The following CNTN1 variants were observed in gnomAD, a reference collection of about 807,000 sequenced individuals.
CNTN1 encodes contactin 1.
In CNTN1, 38 loss-of-function variants were observed where a neutral mutation model predicts 126.4. That is an observed-to-expected ratio of 0.30 (90% CI 0.23 to 0.39). The LOEUF (loss-of-function observed/expected upper bound fraction) is 0.39. Among genes scored for constraint, CNTN1 ranks in the 10% least tolerant of loss-of-function variants. The pLI is 1.00. For synonymous variants in CNTN1, 413 were observed against 422.6 expected, an observed-to-expected ratio of 0.98 and a Z score of 0.28; for missense variants, 1,009 against 1,248.4, an observed-to-expected ratio of 0.81 and a Z score of 2.89.
At chr12:40,872,571 C>CTTTTTTTTTTTTT (rs35866838) in intron 1 of CNTN1, among the ~76,000 whole-genome samples, 8 of 108,612 alleles carry the variant, frequency 7.4e-5, no homozygotes, top group African/African-American at 1.4e-4. Flanking sequence ...TTTTTTCTTT[C>CTTTTTTTTTTTTT]TTTTTTTTTT....
chr12:40,981,892 A>G (rs904282463), intron 16 of CNTN1, among the ~76,000 whole-genome samples: 11 of 152,156 alleles, frequency 7.2e-5, no homozygotes, highest in African/African-American at 2.6e-4. Flanking sequence ...AAGAGGAGAA[A>G]TGAGACACGA....
At chr12:40,980,698 C>A (rs1947798382) in intron 15 of CNTN1, among the ~76,000 whole-genome samples, 1 of 151,966 alleles carries the variant, frequency 6.6e-6, no homozygotes, top group Non-Finnish European at 1.5e-5. Context: ...AGCATTTATC[C>A]CCTTCCTTAA....
chr12:40,835,799 T>TACACACACACAC (rs10556497), intron 1 of CNTN1, among the ~76,000 whole-genome samples: 23 of 142,528 alleles, frequency 1.6e-4, no homozygotes, highest in African/African-American at 5.7e-4. Flanking sequence ...ATGCTATTTA[T>TACACACACACAC]ACACACACAC....
Position 41,042,484 on chromosome 12 carries a change from G to C in CNTN1, c.2980+13265G>C, listed in dbSNP as rs893391401. ...TCCTGGGTATCCTTGTTGACTTTCTGTCTCGTTGATCTGTCTAATGTTGAC... is the reference window on the plus strand; with the variant it reads ...TCCTGGGTATCCTTGTTGACTTTCTCTCTCGTTGATCTGTCTAATGTTGAC... On this transcript the variant is annotated intron_variant, in intron 23 of 23. Coordinates refer to ENST00000551295, the MANE Select transcript of CNTN1 (RefSeq NM_001843.4). Among the ~76,000 whole-genome samples the C allele has an allele frequency of 1.1e-3, 161 of 152,142 alleles. 1 individual carries two copies. In the East Asian group the frequency reaches 0.018, roughly 17 times the overall value.
chr12:40,789,191 G>C (rs997477133), intron 1 of CNTN1, among the ~76,000 whole-genome samples: 1 of 152,100 alleles, frequency 6.6e-6, no homozygotes, highest in Non-Finnish European at 1.5e-5. Flanking sequence ...TGCTATGAAA[G>C]TTATTACTCT....
At chr12:40,844,349 A>T (rs1307196456) in intron 1 of CNTN1, among the ~76,000 whole-genome samples, 2 of 152,056 alleles carry the variant, frequency 1.3e-5, no homozygotes, top group Non-Finnish European at 2.9e-5. Flanking sequence ...TACAGGCATG[A>T]GCCACCACGC....
intron 1 of CNTN1, among the ~76,000 whole-genome samples, chr12:40,866,887 G>T (rs1251162653): frequency 6.6e-6 from 1 of 152,094 alleles, no homozygotes; most frequent in Non-Finnish European, 1.5e-5. Flanking sequence ...TTGTGTATTT[G>T]TTTTGTGATC....
At position 40,908,398 on chromosome 12, in the gene CNTN1, T is replaced by C. The variant is rs539665667; in HGVS notation, c.-35T>C. On this transcript the variant is annotated 5_prime_UTR_variant, in exon 2 of 24. Coordinates refer to ENST00000551295, the MANE Select transcript of CNTN1 (RefSeq NM_001843.4). ...AACTGCCATAGAGCTAAATTCTTTT[T>C]TGGAAAATTGAACCGAACTTCTACT... 7 of 1,594,524 alleles carry C rather than the reference T, an allele frequency of 4.4e-6. No homozygotes were observed. The South Asian group carries it at 5.5e-5, about 13-fold the overall frequency.
intron 6 of CNTN1, among the ~76,000 whole-genome samples, chr12:40,926,171 G>GGATAGATAGAT (rs372191127): frequency 1.5e-5 from 2 of 137,512 alleles, no homozygotes; most frequent in Non-Finnish European, 3.1e-5. Context: ...TGCTAAATAA[G>GGATAGATAGAT]GATAGATAGA....
At chr12:40,776,649 A>C (rs1939587890) in intron 1 of CNTN1, among the ~76,000 whole-genome samples, 1 of 151,718 alleles carries the variant, frequency 6.6e-6, no homozygotes, top group South Asian at 2.1e-4. Context: ...CTGACTTCTA[A>C]GTTTTAGACT....
chr12:41,011,088 T>A (rs2120702661), intron 17 of CNTN1, among the ~76,000 whole-genome samples: 1 of 152,306 alleles, frequency 6.6e-6, no homozygotes, highest in South Asian at 2.1e-4. Flanking sequence ...ACACTTGAGT[T>A]AAATTTTGGA....
At chr12:40,973,680 A>G (rs1947587968) in intron 15 of CNTN1, among the ~76,000 whole-genome samples, 1 of 152,118 alleles carries the variant, frequency 6.6e-6, no homozygotes, top group South Asian at 2.1e-4. Flanking sequence ...TATTAAATGT[A>G]TGTGCTATAT....
intron 1 of CNTN1, among the ~76,000 whole-genome samples, chr12:40,906,092 A>G (rs1944800466): frequency 6.6e-6 from 1 of 152,168 alleles, no homozygotes; most frequent in Admixed American, 6.5e-5. Context: ...TAACACGGTG[A>G]AACCCCGTCT....
chr12:40,777,702 G>A (rs1357138263), intron 1 of CNTN1, among the ~76,000 whole-genome samples: 1 of 151,754 alleles, frequency 6.6e-6, no homozygotes, highest in African/African-American at 2.4e-5. Flanking sequence ...TCTAAGGGGT[G>A]CATAAACTGC....
intron 20 of CNTN1, among the ~76,000 whole-genome samples, chr12:41,022,959 C>T (rs1948954518): frequency 1.3e-5 from 2 of 152,064 alleles, no homozygotes; most frequent in South Asian, 4.2e-4. Context: ...AGCACGAACA[C>T]TTAAAAGAGA....
At chr12:40,721,541 CATTA>C (rs1416653680) in intron 1 of CNTN1, among the ~76,000 whole-genome samples, 2 of 151,098 alleles carry the variant, frequency 1.3e-5, no homozygotes, top group African/African-American at 2.4e-5. Flanking sequence ...GGACATCTTA[CATTA>C]ATTATTATTA....
At chr12:40,914,924 A>G (rs917801661) in intron 3 of CNTN1, among the ~76,000 whole-genome samples, 1 of 152,156 alleles carries the variant, frequency 6.6e-6, no homozygotes, top group African/African-American at 2.4e-5. Context: ...AACCCTATAT[A>G]CACACTCAGT....
At chr12:40,887,181 T>A (rs554623386) in intron 1 of CNTN1, among the ~76,000 whole-genome samples, 4 of 152,162 alleles carry the variant, frequency 2.6e-5, no homozygotes, top group Admixed American at 1.3e-4. Context: ...TTCACGATAT[T>A]GATTCTTCCT....
intron 3 of CNTN1, among the ~76,000 whole-genome samples, chr12:40,911,573 G>C (rs558393842): frequency 6.6e-6 from 1 of 152,268 alleles, no homozygotes; most frequent in South Asian, 2.1e-4. Context: ...TTTCCCACGA[G>C]CACTCAACAA....
Sources: gnomAD v4.1 joint callset for allele counts (sites outside exome capture counted in the v4.1 genomes callset) on GRCh38, gnomAD v4.1.1 for gene constraint, MANE v1.5 for transcripts, NCBI Gene and HGNC (gene_info 2026-07-23, HGNC 2026-07-21) for gene names.